The following LUZP1 variants were observed in gnomAD, a reference collection of about 807,000 sequenced individuals.
LUZP1 encodes the protein leucine zipper protein 1.
LUZP1 carries 25 observed loss-of-function variants against 71.3 expected under a neutral mutation model. The observed-to-expected ratio is 0.35, with a 90% CI of 0.26 to 0.49. The LOEUF (loss-of-function observed/expected upper bound fraction) is 0.49, where lower values mean the gene tolerates loss of function less well. Among genes scored for constraint, LUZP1 ranks in the 20% least tolerant of loss-of-function variants. The probability of loss-of-function intolerance (pLI) is 0.99; values close to 1 mark genes in which losing one functional copy is unlikely to be tolerated. For synonymous variants in LUZP1, 481 were observed against 506.4 expected (o/e 0.95, Z 0.67); for missense variants, 1,142 against 1,300.8 (o/e 0.88, Z 1.88).
intron 2 of LUZP1, among the ~76,000 whole-genome samples, chr1:23,145,943 A>G (rs992137856): frequency 6.6e-6 from 1 of 152,238 alleles, no homozygotes; most frequent in Non-Finnish European, 1.5e-5. Flanking sequence ...ATGTTAGAAT[A>G]TTACTACACA....
At chr1:23,100,149 G>A (rs1197143829) in intron 3 of LUZP1, among the ~76,000 whole-genome samples, 1 of 152,120 alleles carries the variant, frequency 6.6e-6, no homozygotes, top group Non-Finnish European at 1.5e-5. Flanking sequence ...TCCAACTTGT[G>A]TCACCACTAT....
chr1:23,150,487 GA>G (rs1037084169), intron 2 of LUZP1, among the ~76,000 whole-genome samples: 5 of 151,844 alleles, frequency 3.3e-5, no homozygotes, highest in African/African-American at 7.3e-5. Flanking sequence ...AATATTGGAA[GA>G]AAAAAAATTA....
chr1:23,173,296 A>C (rs1167644008), intron 1 of LUZP1, among the ~76,000 whole-genome samples: 2 of 106,280 alleles, frequency 1.9e-5, no homozygotes, highest in Non-Finnish European at 3.7e-5. Context: ...GAGAACCTTC[A>C]GTTTTTTTTC....
exon 5 of LUZP1, chr1:23,084,745 T>A (rs1295624040): frequency 1.3e-5 from 2 of 152,010 alleles, no homozygotes; most frequent in African/African-American, 4.8e-5. Flanking sequence ...CCCCCTAGTC[T>A]TAGAATTCGT....
chr1:23,109,154 G>A (rs891619080), intron 2 of LUZP1, 27 bp from the exon 2 acceptor site: 3 of 152,198 alleles, frequency 2.0e-5, no homozygotes, highest in African/African-American at 4.8e-5. Flanking sequence ...CAGAATGGAA[G>A]AGATAGGTAA....
chr1:23,143,547 T>C (rs1034125978), intron 2 of LUZP1, among the ~76,000 whole-genome samples: 30 of 152,316 alleles, frequency 2.0e-4, no homozygotes, highest in African/African-American at 7.0e-4. Flanking sequence ...GTTGCTTCAG[T>C]TGTTTTTTGC....
intron 2 of LUZP1, among the ~76,000 whole-genome samples, chr1:23,117,920 T>A (rs1376351139): frequency 1.3e-5 from 2 of 151,742 alleles, no homozygotes; most frequent in Non-Finnish European, 2.9e-5. Flanking sequence ...TGAAACCCTG[T>A]CTCTACTAAA....
intron 2 of LUZP1, 87 bp downstream of exon 1, chr1:23,168,679 C>G (rs1644530691): frequency 6.5e-6 from 1 of 153,418 alleles, no homozygotes; most frequent in Non-Finnish European, 1.5e-5. Flanking sequence ...GCGGGTGCCC[C>G]GACCTCACCC....
exon 4 of LUZP1, chr1:23,091,784 C>A (rs1160047601): frequency 1.2e-6 from 2 of 1,614,110 alleles, no homozygotes; most frequent in Non-Finnish European, 1.7e-6. Context: ...CTGCCAGCCC[C>A]ACCTGGATAT....
At chr1:23,153,497 G>A (rs1485762689) in intron 2 of LUZP1, among the ~76,000 whole-genome samples, 5 of 151,984 alleles carry the variant, frequency 3.3e-5, no homozygotes, top group Admixed American at 2.6e-4. Flanking sequence ...CCAGTAAACT[G>A]TAACCTGTCA....
intron 4 of LUZP1, 22 bp downstream of exon 3, chr1:23,091,168 G>A (rs1643845368): frequency 1.3e-6 from 2 of 1,576,068 alleles, no homozygotes; most frequent in East Asian, 2.3e-5. Flanking sequence ...AAAAGAGAGA[G>A]GGGAGAGAGG....
At chr1:23,135,721 G>A (rs563172779) in intron 2 of LUZP1, among the ~76,000 whole-genome samples, 10 of 152,072 alleles carry the variant, frequency 6.6e-5, no homozygotes, top group Non-Finnish European at 1.3e-4. Context: ...CTGCAAATAG[G>A]TCTTTAAAGG....
intron 2 of LUZP1, among the ~76,000 whole-genome samples, chr1:23,164,310 G>A (rs759918640): frequency 1.3e-5 from 2 of 152,006 alleles, no homozygotes; most frequent in African/African-American, 4.8e-5. Flanking sequence ...CCTGGCTAAC[G>A]CGGTGAAATG....
chr1:23,103,839 AGAGGGAGGGAGGGAGGGAGGGAGG>A lies in LUZP1; in HGVS notation c.-120+5159_-120+5182del, dbSNP rs1167440929. Among the ~76,000 whole-genome samples, 24 of 15,562 alleles carry A rather than the reference AGAGGGAGGGAGGGAGGGAGGGAGG, an allele frequency of 1.5e-3. 1 individual carries two copies. Among genetic ancestry groups the A allele is most frequent in the African/African-American group, 6.0e-3 (18 of 2,976 alleles). The allele number at this position is 15,562 out of a possible 152,430, so 10.2% of individuals were successfully genotyped here. The stretch of plus-strand genomic sequence containing the variant: ...AGGAGGGAGGGAGGAAGAGAGGGAG[AGAGGGAGGGAGGGAGGGAGGGAGG>A]GAGGGAGGGAGGGAGGGAGAGAGGG... On this transcript the variant is annotated intron_variant, in intron 3 of 4. Transcript: ENST00000302291.
intron 3 of LUZP1, among the ~76,000 whole-genome samples, chr1:23,102,935 A>C (rs538618917): frequency 9.2e-5 from 14 of 151,648 alleles, no homozygotes; most frequent in Admixed American, 6.6e-4. Flanking sequence ...ATTTCATTTC[A>C]TTTGATTTCA....
chr1:23,114,318 T>G (rs920534492), intron 2 of LUZP1, among the ~76,000 whole-genome samples: 1 of 152,202 alleles, frequency 6.6e-6, no homozygotes, highest in Admixed American at 6.5e-5. Flanking sequence ...CATTCAGGAT[T>G]GTTCAGGAAA....
intron 2 of LUZP1, among the ~76,000 whole-genome samples, chr1:23,115,674 G>A (rs1416865895): frequency 6.6e-6 from 1 of 152,060 alleles, no homozygotes; most frequent in Non-Finnish European, 1.5e-5. Context: ...CCGAGTAGCT[G>A]GGATTACCGG....
chr1:23,154,800 C>T (rs545170262), intron 2 of LUZP1, among the ~76,000 whole-genome samples: 3 of 151,326 alleles, frequency 2.0e-5, no homozygotes, highest in East Asian at 3.9e-4. Context: ...GTGATCCGCC[C>T]GCCTCAGCCT....
chr1:23,103,897 A>G (rs1348973883), intron 3 of LUZP1, among the ~76,000 whole-genome samples: 7 of 2,770 alleles, frequency 2.5e-3, no homozygotes, highest in Admixed American at 7.4e-3. Flanking sequence ...GGAGAGAGGG[A>G]GGGAGGGGGG....
Sources: gnomAD v4.1 joint callset for allele counts (sites outside exome capture counted in the v4.1 genomes callset) on GRCh38, gnomAD v4.1.1 for gene constraint, MANE v1.5 for transcripts, NCBI Gene and HGNC (gene_info 2026-07-23, HGNC 2026-07-21) for gene names.